Variants in ARHGAP15 observed in about 807,000 individuals in gnomAD.
ARHGAP15 encodes the protein rho GTPase-activating protein 15.
ARHGAP15 carries 51 observed loss-of-function variants against 63.7 expected under a neutral mutation model. That is an observed-to-expected ratio of 0.80 (90% CI 0.64 to 1.01). The LOEUF is 1.01. ARHGAP15 is among the 50% of genes least tolerant of loss of function. ARHGAP15 has a pLI of 0.00. For synonymous variants in ARHGAP15, 191 were observed against 193.8 expected (o/e 0.99, Z 0.12); for missense variants, 560 against 564.6 (o/e 0.99, Z 0.08).
chr2:143,597,072 C>T (rs1302159129), intron 11 of ARHGAP15, among the ~76,000 whole-genome samples: 2 of 152,004 alleles, frequency 1.3e-5, no homozygotes, highest in Non-Finnish European at 2.9e-5. Flanking sequence ...ACAGGCCTCT[C>T]CTATTCTTGT....
intron 11 of ARHGAP15, among the ~76,000 whole-genome samples, chr2:143,623,174 C>G (rs1194993823): frequency 6.6e-6 from 1 of 152,152 alleles, no homozygotes; most frequent in African/African-American, 2.4e-5. Flanking sequence ...TGCCTTTGTA[C>G]CTCGCTTCCT....
intron 6 of ARHGAP15, among the ~76,000 whole-genome samples, chr2:143,278,643 G>A (rs766430477): frequency 9.9e-5 from 15 of 151,996 alleles, no homozygotes; most frequent in Admixed American, 9.8e-4. Flanking sequence ...GTTCCATAGT[G>A]CCTCAAATAT....
intron 12 of ARHGAP15, among the ~76,000 whole-genome samples, chr2:143,697,379 T>C (rs1176236200): frequency 6.6e-6 from 1 of 152,190 alleles, no homozygotes; most frequent in Non-Finnish European, 1.5e-5. Flanking sequence ...AATGATCACT[T>C]ACTATGTGTA....
At chr2:143,563,926 T>A (rs4602163) in intron 11 of ARHGAP15, 32,226 of 152,176 alleles carry the variant, frequency 0.21, 3,712 homozygotes, top group Middle Eastern at 0.28. Flanking sequence ...AAATTTATTA[T>A]CTCACAGTTT....
chr2:143,341,228 T>A (rs1215824510), intron 6 of ARHGAP15, among the ~76,000 whole-genome samples: 1 of 152,122 alleles, frequency 6.6e-6, no homozygotes, highest in Non-Finnish European at 1.5e-5. Context: ...CATCCCCTTT[T>A]TCTTTCGTAT....
Position 143,768,103 on chromosome 2 carries a change from C to T in ARHGAP15, c.1359C>T (p.Val453=), listed in dbSNP as rs771618992. 18 of 1,613,826 alleles carry T rather than the reference C, an allele frequency of 1.1e-5. No individual in the cohort carries two copies. The highest frequency in any genetic ancestry group is 1.5e-5 in the Non-Finnish European group (18 of 1,179,794). The change falls in exon 14 of 14, where the codon GTC becomes GTT. Residue 453 remains valine, a synonymous_variant. Transcript: ENST00000295095. Reference sequence around the variant, plus strand: ...CAGGAAACATGGCGATCCACATGGTCTACCAGAACCAGATAGCTGAGCTCA... The same window carrying T: ...CAGGAAACATGGCGATCCACATGGTTTACCAGAACCAGATAGCTGAGCTCA... ...NETGNMAIHM[V]YQNQIAELML...
chr2:143,228,383 C>T lies in ARHGAP15; in HGVS notation c.297-198C>T, dbSNP rs1362430382. Among the ~76,000 whole-genome samples the T allele has an allele frequency of 2.0e-5, 3 of 152,054 alleles. No homozygotes were observed. The East Asian group carries it at 5.8e-4, about 29-fold the overall frequency. On this transcript the variant is annotated intron_variant, in intron 4 of 13. Coordinates refer to ENST00000295095, the MANE Select transcript of ARHGAP15 (RefSeq NM_018460.4). Reference sequence around the variant, plus strand: ...AGAAATTCTTACTATAAATGCTGTACTTTTAAATAATTCCAGAATGTCTTT... The same window carrying T: ...AGAAATTCTTACTATAAATGCTGTATTTTTAAATAATTCCAGAATGTCTTT...
At chr2:143,352,794 T>A (rs1240833680) in intron 6 of ARHGAP15, among the ~76,000 whole-genome samples, 1 of 152,224 alleles carries the variant, frequency 6.6e-6, no homozygotes, top group Non-Finnish European at 1.5e-5. Context: ...AGGCAGATTA[T>A]TTCCACATAA....
intron 8 of ARHGAP15, among the ~76,000 whole-genome samples, chr2:143,469,239 A>G (rs1691397805): frequency 6.6e-6 from 1 of 152,150 alleles, no homozygotes; most frequent in South Asian, 2.1e-4. Flanking sequence ...AAATATAATT[A>G]TGGAGAGATG....
chr2:143,403,972 A>T (rs1445461339), intron 6 of ARHGAP15, among the ~76,000 whole-genome samples: 1 of 151,710 alleles, frequency 6.6e-6, no homozygotes, highest in East Asian at 1.9e-4. Flanking sequence ...TACTCAAGAC[A>T]TATTCAAGTG....
chr2:143,233,343 A>T (rs999030062), intron 5 of ARHGAP15, among the ~76,000 whole-genome samples: 7 of 151,918 alleles, frequency 4.6e-5, no homozygotes, highest in African/African-American at 1.7e-4. Context: ...TTTCTCCCTC[A>T]TCCTAGAAAT....
At chr2:143,224,147 T>C (rs893582040) in intron 4 of ARHGAP15, among the ~76,000 whole-genome samples, 1 of 152,186 alleles carries the variant, frequency 6.6e-6, no homozygotes, top group Non-Finnish European at 1.5e-5. Flanking sequence ...AAGCTCAGCG[T>C]GGGAAGCCCT....
intron 6 of ARHGAP15, among the ~76,000 whole-genome samples, chr2:143,404,906 T>C (rs981245918): frequency 6.6e-6 from 1 of 152,026 alleles, no homozygotes; most frequent in African/African-American, 2.4e-5. Flanking sequence ...AACTTACACA[T>C]TAAAACAGAG....
At chr2:143,616,854 C>G (rs1053283508) in intron 11 of ARHGAP15, among the ~76,000 whole-genome samples, 16 of 152,148 alleles carry the variant, frequency 1.1e-4, no homozygotes, top group Admixed American at 8.5e-4. Context: ...GCTCCTTTCT[C>G]TTTGATAGGT....
intron 9 of ARHGAP15, among the ~76,000 whole-genome samples, chr2:143,488,033 T>G (rs997007539): frequency 6.6e-6 from 1 of 152,194 alleles, no homozygotes; most frequent in African/African-American, 2.4e-5. Flanking sequence ...CTGAAATAAC[T>G]AGGTAGTTTT....
At chr2:143,445,108 A>C (rs762682175) in intron 8 of ARHGAP15, among the ~76,000 whole-genome samples, 3 of 151,120 alleles carry the variant, frequency 2.0e-5, no homozygotes, top group Non-Finnish European at 2.9e-5. Context: ...TTTTGCTGTC[A>C]GATAAGGTCT....
intron 6 of ARHGAP15, among the ~76,000 whole-genome samples, chr2:143,321,056 CCCTGGATG>C (rs991708241): frequency 1.3e-5 from 2 of 152,108 alleles, no homozygotes; most frequent in Non-Finnish European, 2.9e-5. Flanking sequence ...TCATGGGTAC[CCCTGGATG>C]CCTGGATGCC....
At chr2:143,682,281 G>T (rs184491674) in intron 12 of ARHGAP15, among the ~76,000 whole-genome samples, 1 of 145,982 alleles carries the variant, frequency 6.9e-6, no homozygotes, top group East Asian at 2.0e-4. Flanking sequence ...AACTAACGCT[G>T]TAACCTTAGC....
chr2:143,322,313 C>T (rs1030777166), intron 6 of ARHGAP15, among the ~76,000 whole-genome samples: 1 of 152,122 alleles, frequency 6.6e-6, no homozygotes, highest in Non-Finnish European at 1.5e-5. Context: ...GGGCTGCTTT[C>T]TTAGCATAAA....
Sources: allele counts gnomAD v4.1 joint callset (sites outside exome capture counted in the v4.1 genomes callset), GRCh38; gene constraint gnomAD v4.1.1; transcripts MANE v1.5; gene names NCBI Gene and HGNC (gene_info 2026-07-23, HGNC 2026-07-21).